Variants in SMPD3 observed in about 807,000 individuals in gnomAD.
The protein encoded by SMPD3 is sphingomyelin phosphodiesterase 3, also known as nSMase-2.
In SMPD3, 21 loss-of-function variants were observed where a neutral mutation model predicts 55.7. That is an observed-to-expected ratio of 0.38 (90% CI 0.27 to 0.54). SMPD3 has a LOEUF of 0.54. Among genes scored for constraint, SMPD3 ranks in the 20% least tolerant of loss-of-function variants. The pLI is 0.80. For missense variants in SMPD3, 842 were observed against 899.6 expected (o/e 0.94, Z 0.82); for synonymous variants, 457 against 404.3 (o/e 1.13, Z -1.56).
At chr16:68,412,750 A>G (rs1239477983) in intron 1 of SMPD3, among the ~76,000 whole-genome samples, 1 of 152,220 alleles carries the variant, frequency 6.6e-6, no homozygotes, top group Non-Finnish European at 1.5e-5. Flanking sequence ...TGTGATTCCC[A>G]TATTTTCATA....
chr16:68,365,248 C>T (rs958149992), intron 3 of SMPD3, among the ~76,000 whole-genome samples, 156 bp from the exon 4 acceptor site: 3 of 152,178 alleles, frequency 2.0e-5, no homozygotes, highest in African/African-American at 7.2e-5. Flanking sequence ...ATGTGTCCTG[C>T]TTCTAGGGAC....
chr16:68,382,027 A>C (rs2089961498), intron 2 of SMPD3: 1 of 152,244 alleles, frequency 6.6e-6, no homozygotes, highest in South Asian at 2.1e-4. Context: ...AGTGTGGCCT[A>C]AAAAAGTCCA....
At chr16:68,386,829 C>T (rs1425935058) in intron 1 of SMPD3, among the ~76,000 whole-genome samples, 170 bp from the exon 2 acceptor site, 1 of 152,216 alleles carries the variant, frequency 6.6e-6, no homozygotes, top group Non-Finnish European at 1.5e-5. Flanking sequence ...GGTGTGTGCC[C>T]GGCAGTTCCA....
At chr16:68,370,812 T>A in intron 3 of SMPD3, 47 bp downstream of exon 3, 1 of 1,604,234 alleles carries the variant, frequency 6.2e-7, no homozygotes, top group South Asian at 1.1e-5. Context: ...TACATGGCTC[T>A]AGGACCAGCT....
In SMPD3 at chr16:68,371,689, G is replaced by T. The variant is rs764871266; in HGVS notation, c.493C>A (p.Pro165Thr). 1.1e-5 allele frequency: 17 copies of T among 1,572,932 alleles called. No homozygotes were observed. The South Asian group carries it at 2.0e-4, about 19-fold the overall frequency. ...GAGTCGATGTAAATTTTGATCTGGG[G>T]CCGGGCGGCCCCATTGCGGATTCTC... ...GQRIRNGAARPQIKIYIDSPT... is the reference protein window; with the variant it reads ...GQRIRNGAARTQIKIYIDSPT... Residue 165 changes from proline to threonine, a missense_variant, in exon 3 of 9, where the codon CCC (proline) becomes ACC (threonine). Coordinates refer to ENST00000219334, the MANE Select transcript of SMPD3 (RefSeq NM_018667.4).
At chr16:68,384,122 T>A (rs979641831) in intron 2 of SMPD3, among the ~76,000 whole-genome samples, 1 of 152,158 alleles carries the variant, frequency 6.6e-6, no homozygotes, top group Non-Finnish European at 1.5e-5. Context: ...CTATATCTGG[T>A]GGCCTGATTC....
intron 1 of SMPD3, among the ~76,000 whole-genome samples, chr16:68,416,775 C>T (rs1008172109): frequency 6.6e-6 from 1 of 152,028 alleles, no homozygotes; most frequent in South Asian, 2.1e-4. Flanking sequence ...CCTATCTGTC[C>T]GGTGGGTCAG....
chr16:68,376,189 G>A (rs2089808122), intron 2 of SMPD3, among the ~76,000 whole-genome samples: 1 of 152,254 alleles, frequency 6.6e-6, no homozygotes, highest in Admixed American at 6.5e-5. Flanking sequence ...TTAAACATTA[G>A]AGGCTGGTAA....
At chr16:68,389,047 C>T (rs1301759638) in intron 1 of SMPD3, among the ~76,000 whole-genome samples, 1 of 152,312 alleles carries the variant, frequency 6.6e-6, no homozygotes, top group East Asian at 1.9e-4. Context: ...TCATTCAAAA[C>T]GCACCGGTAG....
intron 1 of SMPD3, among the ~76,000 whole-genome samples, chr16:68,421,990 T>C (rs771072804): frequency 1.3e-5 from 2 of 152,054 alleles, no homozygotes; most frequent in African/African-American, 2.4e-5. Flanking sequence ...AAGGATCCTT[T>C]TGAGAGGGAA....
intron 1 of SMPD3, among the ~76,000 whole-genome samples, chr16:68,394,879 A>G (rs1466104150): frequency 6.6e-6 from 1 of 152,198 alleles, no homozygotes; most frequent in East Asian, 1.9e-4. Context: ...TCTCATTCCA[A>G]TGGTGGCCTC....
At chr16:68,384,041 C>T (rs1461890088) in intron 2 of SMPD3, among the ~76,000 whole-genome samples, 1 of 152,242 alleles carries the variant, frequency 6.6e-6, no homozygotes, top group Non-Finnish European at 1.5e-5. Context: ...CCACACTGCT[C>T]CCCTATGGCC....
Position 68,372,403 on chromosome 16 carries a change from T to C in SMPD3, c.-206-16A>G, listed in dbSNP as rs1184992035. 6 of 603,094 alleles carry C rather than the reference T, an allele frequency of 9.9e-6. No individual in the cohort carries two copies. The East Asian group carries it at 1.7e-4, about 17-fold the overall frequency. 37.4% of individuals were successfully genotyped at this position (603,094 alleles called of 1,614,324 possible). ...ACTGCAGACCCTGCAGAGACAAAAG[T>C]AGGGGGACTGTTTTTAGTGATCTTC... On this transcript the variant is annotated splice_polypyrimidine_tract_variant and intron_variant, in intron 2 of 8. Coordinates refer to ENST00000219334, the MANE Select transcript of SMPD3 (RefSeq NM_018667.4).
chr16:68,361,625 C>T lies in SMPD3; in HGVS notation c.1844G>A (p.Gly615Glu). ...CACGGCCTTCCAGTCTGGGCACAGC[C>T]CCTCCTCTGCATGCAGCATGTAGTC... ...RIDYMLHAEE[G>E]LCPDWKAEVE... The change falls in exon 8 of 9, where the codon GGG becomes GAG. Residue 615 changes from glycine to glutamate, a missense_variant. Transcript: ENST00000219334. The T allele has an allele frequency of 1.2e-6, 2 of 1,609,880 alleles. No homozygotes were observed. Among genetic ancestry groups the T allele is most frequent in the Non-Finnish European group, 1.7e-6 (2 of 1,179,948 alleles).
At chr16:68,415,692 C>A (rs184022172) in intron 1 of SMPD3, among the ~76,000 whole-genome samples, 59 of 151,932 alleles carry the variant, frequency 3.9e-4, no homozygotes, top group Non-Finnish European at 2.1e-4. Flanking sequence ...TAAATGTTAA[C>A]ATGAGGTTCT....
At chr16:68,392,390 G>A (rs1210331316) in intron 1 of SMPD3, among the ~76,000 whole-genome samples, 1 of 152,126 alleles carries the variant, frequency 6.6e-6, no homozygotes, top group Non-Finnish European at 1.5e-5. Flanking sequence ...TGTAGGCTAG[G>A]TTAAGCTATA....
chr16:68,430,631 C>A (rs749423480), intron 1 of SMPD3, among the ~76,000 whole-genome samples: 4 of 152,156 alleles, frequency 2.6e-5, no homozygotes, highest in African/African-American at 4.8e-5. Context: ...GGGGCCTTCT[C>A]CCTCCCCCTG....
At chr16:68,373,342 A>G (rs1430953134) in intron 2 of SMPD3, among the ~76,000 whole-genome samples, 1 of 152,178 alleles carries the variant, frequency 6.6e-6, no homozygotes, top group Non-Finnish European at 1.5e-5. Context: ...CTGAATGTAA[A>G]ATCAATAAAG....
At chr16:68,448,090 G>C (rs944906161) in intron 1 of SMPD3, among the ~76,000 whole-genome samples, 2 of 152,090 alleles carry the variant, frequency 1.3e-5, no homozygotes, top group African/African-American at 4.8e-5. Flanking sequence ...AAGCCTCCTC[G>C]CTCTCCCAGG....
Sources: gnomAD v4.1 joint callset for allele counts (sites outside exome capture counted in the v4.1 genomes callset) on GRCh38, gnomAD v4.1.1 for gene constraint, MANE v1.5 for transcripts, NCBI Gene and HGNC (gene_info 2026-07-23, HGNC 2026-07-21) for gene names.